Variants in CHD1 observed in about 807,000 individuals in gnomAD.
The protein encoded by CHD1 is ATP-dependent chromatin remodeler CHD1.
In CHD1, 36 loss-of-function variants were observed where a neutral mutation model predicts 224.2. The observed-to-expected ratio is 0.16, with a 90% CI of 0.12 to 0.21. The LOEUF (loss-of-function observed/expected upper bound fraction) is 0.21. Ranked by LOEUF, CHD1 falls within the 10% of genes least tolerant of loss-of-function variation. The probability of loss-of-function intolerance (pLI) is 1.00; values close to 1 mark genes in which losing one functional copy is unlikely to be tolerated. For synonymous variants in CHD1, 668 were observed against 658.3 expected (o/e 1.01, Z -0.23); for missense variants, 1,378 against 1,994.8 (o/e 0.69, Z 5.89).
At chr5:98,882,887 T>C (rs1490699376) in intron 19 of CHD1, among the ~76,000 whole-genome samples, 1 of 152,176 alleles carries the variant, frequency 6.6e-6, no homozygotes, top group Non-Finnish European at 1.5e-5. Flanking sequence ...GAATACATGA[T>C]CCTATATATG....
chr5:98,908,438 T>G (rs1752187808), intron 2 of CHD1, among the ~76,000 whole-genome samples: 1 of 152,194 alleles, frequency 6.6e-6, no homozygotes, highest in Admixed American at 6.5e-5. Flanking sequence ...TCAGGTACCC[T>G]ACCTAAGACC....
At chr5:98,869,104 C>T in intron 30 of CHD1, 3 of 922,768 alleles carry the variant, frequency 3.3e-6, no homozygotes, top group Non-Finnish European at 3.9e-6. Context: ...TTATATCTTT[C>T]TTATCCTCTT....
At position 98,854,019 on chromosome 5, in the gene CHD1, A is replaced by T. The variant is rs1747857589; in HGVS notation, c.*2361T>A. On this transcript the variant is annotated 3_prime_UTR_variant, in exon 36 of 36. Coordinates refer to ENST00000614616, the MANE Select transcript of CHD1 (RefSeq NM_001270.4). Reference sequence around the variant, plus strand: ...GAATTATTTATTGTATAAAAGTGGAAGGTTAATTGGTACAGTACTATACAT... The same window carrying T: ...GAATTATTTATTGTATAAAAGTGGATGGTTAATTGGTACAGTACTATACAT... 1 of 152,044 alleles carries T rather than the reference A, an allele frequency of 6.6e-6. No homozygotes were observed. The allele number at this position is 152,044 out of a possible 1,614,324, so 9.4% of individuals were successfully genotyped here. A position where few individuals can be genotyped will look rare whatever the true frequency, so the allele number is the denominator to read the frequency against.
At chr5:98,880,303 T>G (rs918785281) in intron 22 of CHD1, among the ~76,000 whole-genome samples, 3 of 152,236 alleles carry the variant, frequency 2.0e-5, no homozygotes, top group African/African-American at 7.2e-5. Context: ...CCTTCACCTC[T>G]TAACCAGGAT....
intron 2 of CHD1, among the ~76,000 whole-genome samples, chr5:98,905,512 G>T (rs1267397077): frequency 7.0e-6 from 1 of 143,328 alleles, no homozygotes; most frequent in Non-Finnish European, 1.5e-5. Flanking sequence ...GTGAAGAAAA[G>T]ATTAAATGTG....
intron 25 of CHD1, among the ~76,000 whole-genome samples, chr5:98,874,078 T>C (rs1749558604): frequency 9.1e-6 from 1 of 110,046 alleles, no homozygotes; most frequent in African/African-American, 5.4e-5. Context: ...TTTTTATTAC[T>C]GTGCACCAAA....
intron 8 of CHD1, 113 bp downstream of exon 8, chr5:98,899,367 A>G (rs1751545562): frequency 4.3e-6 from 3 of 698,880 alleles, no homozygotes; most frequent in Non-Finnish European, 7.0e-6. Flanking sequence ...TGTATTATAA[A>G]GTCTATAGCT....
chr5:98,863,797 T>G (rs1748652844), intron 31 of CHD1, among the ~76,000 whole-genome samples: 1 of 152,182 alleles, frequency 6.6e-6, no homozygotes, highest in Admixed American at 6.5e-5. Context: ...CTGTTATCAT[T>G]TAAAATCAGT....
intron 2 of CHD1, among the ~76,000 whole-genome samples, chr5:98,925,770 T>G (rs1437661868): frequency 6.6e-6 from 1 of 151,768 alleles, no homozygotes; most frequent in Non-Finnish European, 1.5e-5. Flanking sequence ...TGTCTAAAAC[T>G]TTCTCCAGTG....
intron 23 of CHD1, among the ~76,000 whole-genome samples, chr5:98,878,559 T>C (rs992632647): frequency 6.6e-6 from 1 of 152,234 alleles, no homozygotes; most frequent in Admixed American, 6.5e-5. Context: ...CAATATAGCT[T>C]GGCATGGCAC....
Position 98,900,281 on chromosome 5 carries a change from C to CA in CHD1, c.859+529dup, listed in dbSNP as rs77593613. 1.8e-3 allele frequency among the ~76,000 whole-genome samples: 170 copies of CA among 92,454 alleles called. 1 individual carries two copies. The highest frequency in any genetic ancestry group is 5.8e-3 in the Middle Eastern group (1 of 172). The allele number at this position is 92,454 out of a possible 152,430, so 60.7% of individuals were successfully genotyped here. On this transcript the variant is annotated intron_variant, in intron 7 of 35. Transcript: ENST00000614616. ...TGGACAACAGAACGAGATTCTGTCACAAAAAAAAAAAAAAAAGAAAAAAGA... is the reference window on the plus strand; with the variant it reads ...TGGACAACAGAACGAGATTCTGTCACAAAAAAAAAAAAAAAAAGAAAAAAGA...
chr5:98,891,862 T>G (rs1487314695), intron 15 of CHD1, among the ~76,000 whole-genome samples: 3 of 152,170 alleles, frequency 2.0e-5, no homozygotes, highest in Non-Finnish European at 4.4e-5. Flanking sequence ...GTCATGGGTA[T>G]AAGAGTTCAT....
At chr5:98,921,489 A>G (rs1036268658) in intron 2 of CHD1, among the ~76,000 whole-genome samples, 10 of 152,196 alleles carry the variant, frequency 6.6e-5, no homozygotes, top group Non-Finnish European at 8.8e-5. Flanking sequence ...AAGGTTCTAC[A>G]GTTATAATAA....
intron 34 of CHD1, 148 bp downstream of exon 34, chr5:98,858,812 GGTAT>G (rs1316042315): frequency 2.9e-5 from 14 of 477,866 alleles, no homozygotes; most frequent in African/African-American, 6.1e-5. Context: ...TAATAATGTA[GGTAT>G]GTATCAGAAT....
chr5:98,858,086 A>G, intron 35 of CHD1, 94 bp downstream of exon 35: 1 of 895,644 alleles, frequency 1.1e-6, no homozygotes, highest in Non-Finnish European at 1.8e-6. Flanking sequence ...TGACTGCATG[A>G]AGATTGAATT....
intron 12 of CHD1, among the ~76,000 whole-genome samples, chr5:98,895,265 GTGAT>G (rs766749909): frequency 5.9e-5 from 8 of 135,980 alleles, no homozygotes; most frequent in Non-Finnish European, 8.8e-5. Context: ...GAAAACATAA[GTGAT>G]TAATTCATTT....
At chr5:98,893,153 G>A (rs570907853) in intron 14 of CHD1, among the ~76,000 whole-genome samples, 1 of 152,072 alleles carries the variant, frequency 6.6e-6, no homozygotes, top group Non-Finnish European at 1.5e-5. Flanking sequence ...TACTGTGTTA[G>A]TTTTTCAAAC....
intron 1 of CHD1, among the ~76,000 whole-genome samples, chr5:98,927,120 A>G (rs1446813914): frequency 1.3e-5 from 2 of 152,246 alleles, no homozygotes; most frequent in Non-Finnish European, 2.9e-5. Flanking sequence ...GGATGATAAC[A>G]TTTAAATAAT....
At chr5:98,913,619 T>C (rs567670666) in intron 2 of CHD1, among the ~76,000 whole-genome samples, 1 of 152,314 alleles carries the variant, frequency 6.6e-6, no homozygotes, top group East Asian at 1.9e-4. Context: ...AGCCCTTTCT[T>C]CTCCTTCTAG....
Sources: allele counts gnomAD v4.1 joint callset (sites outside exome capture counted in the v4.1 genomes callset), GRCh38; gene constraint gnomAD v4.1.1; transcripts MANE v1.5; gene names NCBI Gene and HGNC (gene_info 2026-07-23, HGNC 2026-07-21).